SLC22A2: variants seen among roughly 807,000 people sequenced by gnomAD.
SLC22A2 encodes organic cation transporter 2.
Under a neutral mutation model 60.5 loss-of-function variants are expected in SLC22A2, and 46 were observed. That is an observed-to-expected ratio of 0.76 (90% CI 0.60 to 0.97). SLC22A2 has a LOEUF of 0.97. Among genes scored for constraint, SLC22A2 ranks in the 50% least tolerant of loss-of-function variants. The pLI is 0.00. For synonymous variants in SLC22A2, 303 were observed against 267.0 expected (o/e 1.13, Z -1.31); for missense variants, 701 against 706.6 (o/e 0.99, Z 0.09).
At chr6:160,217,569 G>T in intron 10 of SLC22A2, 71 bp from the exon 11 acceptor site, 1 of 776,598 alleles carries the variant, frequency 1.3e-6, no homozygotes, top group Non-Finnish European at 2.3e-6. Flanking sequence ...AATAAAGTGG[G>T]TAATAAATGA....
chr6:160,229,315 C>T (rs1319246864), intron 9 of SLC22A2, among the ~76,000 whole-genome samples: 3 of 151,924 alleles, frequency 2.0e-5, no homozygotes, highest in African/African-American at 7.3e-5. Flanking sequence ...CAGTTCCTTT[C>T]CTTTTCTCGT....
intron 2 of SLC22A2, 53 bp downstream of exon 2, chr6:160,256,561 G>A: frequency 7.8e-7 from 1 of 1,282,570 alleles, no homozygotes; most frequent in South Asian, 1.2e-5. Context: ...GCATCCAAGT[G>A]TTCTCCAAAC....
intron 3 of SLC22A2, 87 bp downstream of exon 3, chr6:160,250,461 C>T: frequency 8.0e-7 from 1 of 1,243,314 alleles, no homozygotes; most frequent in Middle Eastern, 1.9e-4. Flanking sequence ...AAGCTGGGTC[C>T]CTTTTCTTGC....
chr6:160,249,527 T>C (rs1247561589), intron 3 of SLC22A2, 143 bp from the exon 4 acceptor site: 3 of 670,354 alleles, frequency 4.5e-6, no homozygotes, highest in Non-Finnish European at 7.6e-6. Context: ...TTTTTAAGTG[T>C]TTTTTGGTTT....
intron 2 of SLC22A2, among the ~76,000 whole-genome samples, chr6:160,253,193 G>T (rs1424827515): frequency 6.6e-6 from 1 of 152,190 alleles, no homozygotes; most frequent in East Asian, 1.9e-4. Context: ...TATTCCATAG[G>T]CAGTGTGCCT....
intron 9 of SLC22A2, among the ~76,000 whole-genome samples, chr6:160,228,008 T>C (rs577896129): frequency 6.6e-6 from 1 of 152,372 alleles, no homozygotes; most frequent in Admixed American, 6.5e-5. Context: ...ACCTTTTGTT[T>C]AGCATATAAT....
At chr6:160,221,754 C>T (rs899324001) in intron 10 of SLC22A2, among the ~76,000 whole-genome samples, 15 of 152,266 alleles carry the variant, frequency 9.9e-5, no homozygotes, top group South Asian at 2.1e-4. Context: ...TTAGATCACA[C>T]GCATTTATCA....
chr6:160,252,271 T>C lies in SLC22A2; in HGVS notation c.519-1569A>G, dbSNP rs1380859988. Among the ~76,000 whole-genome samples, 4 of 152,302 alleles carry C rather than the reference T, an allele frequency of 2.6e-5. No homozygotes were observed. The East Asian group carries it at 7.7e-4, about 29-fold the overall frequency. On this transcript the variant is annotated intron_variant, in intron 2 of 10. Coordinates refer to ENST00000366953, the MANE Select transcript of SLC22A2 (RefSeq NM_003058.4). ...AATCTATAAACATTGACTCAAATGG[T>C]ACTTCTTCAACTTTCAAAACTGCTT...
At chr6:160,219,594 T>C (rs1782612305) in intron 10 of SLC22A2, among the ~76,000 whole-genome samples, 1 of 76,140 alleles carries the variant, frequency 1.3e-5, no homozygotes, top group Non-Finnish European at 2.5e-5. Flanking sequence ...TTACTTTCTC[T>C]GGCCTGTTTT....
Position 160,242,289 on chromosome 6 carries a change from C to T in SLC22A2, c.1388+5G>A, listed in dbSNP as rs370617561. 1 of 1,494,360 alleles carries T rather than the reference C, an allele frequency of 6.7e-7. No individual in the cohort carries two copies. Among genetic ancestry groups the T allele is most frequent in the East Asian group, 2.3e-5 (1 of 44,374 alleles). The allele number at this position is 1,494,360 out of a possible 1,614,324, so 92.6% of individuals were successfully genotyped here. A position where few individuals can be genotyped will look rare whatever the true frequency, so the allele number is the denominator to read the frequency against. ...CCCTCGTCATTCTAAGGAAAATGCA[C>T]TCACCTAATGAATGTGGGGTACAGC... On this transcript the variant is annotated splice_donor_5th_base_variant and intron_variant, in intron 8 of 10. Transcript: ENST00000366953.
At chr6:160,229,560 C>T in intron 9 of SLC22A2, among the ~76,000 whole-genome samples, 1 of 151,706 alleles carries the variant, frequency 6.6e-6, no homozygotes, top group Non-Finnish European at 1.5e-5. Context: ...GCTCACCCAA[C>T]CCCTTCTCTC....
At chr6:160,237,637 A>C (rs1782931765) in intron 9 of SLC22A2, among the ~76,000 whole-genome samples, 1 of 152,222 alleles carries the variant, frequency 6.6e-6, no homozygotes, top group South Asian at 2.1e-4. Flanking sequence ...TAAGATTAAG[A>C]GTTCTCTTAC....
chr6:160,237,682 C>A lies in SLC22A2; in HGVS notation c.1501+3792G>T, dbSNP rs577793277. 3.6e-3 allele frequency among the ~76,000 whole-genome samples: 550 copies of A among 152,246 alleles called. 3 individuals carry two copies. The highest frequency in any genetic ancestry group is 6.6e-3 in the Non-Finnish European group (448 of 68,022). On this transcript the variant is annotated intron_variant, in intron 9 of 10. Coordinates refer to ENST00000366953, the MANE Select transcript of SLC22A2 (RefSeq NM_003058.4). The stretch of plus-strand genomic sequence containing the variant: ...TGGGGAAATCTCAGAGGTGTTTGAA[C>A]CAGAGAAACTTTATCTTGAAGAGGG...
chr6:160,223,767 G>A (rs372389394), intron 10 of SLC22A2, among the ~76,000 whole-genome samples: 18 of 151,856 alleles, frequency 1.2e-4, no homozygotes, highest in East Asian at 7.7e-4. Context: ...TTGCTTTGTC[G>A]CCCAGGCTGG....
intron 10 of SLC22A2, among the ~76,000 whole-genome samples, chr6:160,224,365 T>C (rs879750194): frequency 2.6e-5 from 4 of 152,066 alleles, no homozygotes; most frequent in Non-Finnish European, 4.4e-5. Flanking sequence ...GTAGTAAATA[T>C]TTTCTTCAAG....
intron 9 of SLC22A2, among the ~76,000 whole-genome samples, chr6:160,234,873 AT>A (rs1782886269): frequency 6.6e-6 from 1 of 152,220 alleles, no homozygotes; most frequent in African/African-American, 2.4e-5. Flanking sequence ...TAGGGAATGA[AT>A]CCTTTCTGGT....
At chr6:160,228,688 C>A (rs1782767461) in intron 9 of SLC22A2, among the ~76,000 whole-genome samples, 1 of 152,146 alleles carries the variant, frequency 6.6e-6, no homozygotes, top group Non-Finnish European at 1.5e-5. Context: ...CATCATATCC[C>A]CTGTGGCCTG....
intron 4 of SLC22A2, among the ~76,000 whole-genome samples, chr6:160,248,064 G>A (rs1470994054): frequency 6.6e-6 from 1 of 152,206 alleles, no homozygotes; most frequent in Non-Finnish European, 1.5e-5. Flanking sequence ...CAGCAGGAAG[G>A]GTCACTCTCA....
intron 7 of SLC22A2, among the ~76,000 whole-genome samples, chr6:160,243,068 A>G (rs1783036020): frequency 6.6e-6 from 1 of 152,228 alleles, no homozygotes; most frequent in Admixed American, 6.5e-5. Flanking sequence ...AAAGGATTCA[A>G]ACGAAGCTCC....
Sources: gnomAD v4.1 joint callset for allele counts (sites outside exome capture counted in the v4.1 genomes callset) on GRCh38, gnomAD v4.1.1 for gene constraint, MANE v1.5 for transcripts, NCBI Gene and HGNC (gene_info 2026-07-23, HGNC 2026-07-21) for gene names.